The following RBPMS variants were observed in gnomAD, a reference collection of about 807,000 sequenced individuals.
The protein encoded by RBPMS is RNA-binding protein with multiple splicing.
Under a neutral mutation model 26.8 loss-of-function variants are expected in RBPMS, and 7 were observed. The ratio of observed to expected loss-of-function variants is 0.26; its 90% CI spans 0.15 to 0.49. RBPMS has a LOEUF of 0.49. Ranked by LOEUF, RBPMS falls within the 20% of genes least tolerant of loss-of-function variation. The pLI is 0.98. For missense variants in RBPMS, 186 were observed against 250.0 expected (o/e 0.74, Z 1.73); for synonymous variants, 96 against 93.3 (o/e 1.03, Z -0.17).
chr8:30,535,214 T>C (rs1304958003), intron 5 of RBPMS, among the ~76,000 whole-genome samples: 1 of 152,224 alleles, frequency 6.6e-6, no homozygotes, highest in East Asian at 1.9e-4. Context: ...ATTCTGAAGT[T>C]TATATCCTCT....
intron 1 of RBPMS, among the ~76,000 whole-genome samples, chr8:30,411,996 AAAAAAC>A (rs567179839): frequency 0.032 from 4,828 of 150,490 alleles, 92 homozygotes; most frequent in Non-Finnish European, 0.048. Context: ...AAAAAAAAAA[AAAAAAC>A]AAAAACAAAA....
chr8:30,468,789 A>T (rs146318037), intron 1 of RBPMS, among the ~76,000 whole-genome samples: 14 of 152,224 alleles, frequency 9.2e-5, no homozygotes, highest in African/African-American at 3.4e-4. Flanking sequence ...TGATTCAAAC[A>T]TACAGCACAT....
chr8:30,504,293 G>A lies in RBPMS; in HGVS notation c.254G>A (p.Arg85His), dbSNP rs751200833. ...EAAKNALNGI[R>H]FDPEIPQTLR... is the part of the protein sequence containing the mutation. ...TGTTCTCTGTTTCCAAAGGGCATCC[G>A]CTTCGATCCTGAAATTCCGCAAACA... Residue 85 changes from arginine to histidine, a missense_variant, in exon 5 of 9, where the codon CGC (arginine) becomes CAC (histidine). Coordinates refer to ENST00000397323, the MANE Select transcript of RBPMS (RefSeq NM_001008710.3). 6.2e-7 allele frequency: 1 copy of A among 1,614,094 alleles called. No individual in the cohort carries two copies. Among genetic ancestry groups the A allele is most frequent in the South Asian group, 1.1e-5 (1 of 91,072 alleles).
At chr8:30,422,717 G>T (rs1299489390) in intron 1 of RBPMS, among the ~76,000 whole-genome samples, 6 of 152,112 alleles carry the variant, frequency 3.9e-5, no homozygotes, top group Non-Finnish European at 7.4e-5. Context: ...GTGGATTTTA[G>T]AAAACTTTCT....
intron 1 of RBPMS, chr8:30,387,320 T>C (rs985605089): frequency 6.6e-6 from 1 of 152,204 alleles, no homozygotes; most frequent in Non-Finnish European, 1.5e-5. Flanking sequence ...GCCTGAATGA[T>C]CCAGGTAATT....
In RBPMS at chr8:30,479,323, T is replaced by G. The variant is rs1193311073; in HGVS notation, c.192T>G (p.Gly64=). 6.2e-7 allele frequency: 1 copy of G among 1,607,176 alleles called. No individual in the cohort carries two copies. Among genetic ancestry groups the G allele is most frequent in the Non-Finnish European group, 8.5e-7 (1 of 1,177,554 alleles). The change falls in exon 4 of 9, where the codon GGT becomes GGG. Residue 64 remains glycine, a synonymous_variant. Transcript: ENST00000397323. ...LIKLTSKQPV[G]FVSFDSRSEA... is the part of the protein sequence containing the mutation. ...CTCTTTTTTTTTCTCAGCCTGTAGGTTTTGTCAGTTTTGACAGTCGCTCAG... is the reference window on the plus strand; with the variant it reads ...CTCTTTTTTTTTCTCAGCCTGTAGGGTTTGTCAGTTTTGACAGTCGCTCAG...
chr8:30,474,811 G>A lies in RBPMS; in HGVS notation c.99G>A (p.Leu33=). The A allele has an allele frequency of 1.2e-6, 2 of 1,612,644 alleles. No individual in the cohort carries two copies. Among genetic ancestry groups the A allele is most frequent in the Middle Eastern group, 1.7e-4 (1 of 6,056 alleles). Residue 33 remains leucine (L), a synonymous_variant, in exon 2 of 9, where the codon CTG becomes CTA. Transcript: ENST00000397323. ...CCCTATTTGTCAGTGGCCTTCCTCT[G>A]GATATCAAACCTCGGGAGCTCTATC... ...VRTLFVSGLP[L]DIKPRELYLL...
intron 2 of RBPMS, among the ~76,000 whole-genome samples, chr8:30,476,564 G>C (rs1817712707): frequency 1.3e-5 from 2 of 152,152 alleles, no homozygotes; most frequent in African/African-American, 4.8e-5. Context: ...GTTCTCTGCT[G>C]GGAAGATGTA....
At chr8:30,428,885 A>G (rs1811643022) in intron 1 of RBPMS, among the ~76,000 whole-genome samples, 1 of 152,152 alleles carries the variant, frequency 6.6e-6, no homozygotes, top group African/African-American at 2.4e-5. Flanking sequence ...AAGTAGCCCC[A>G]ATAAGCTGGG....
intron 6 of RBPMS, chr8:30,552,390 G>C (rs928458353): frequency 6.6e-6 from 1 of 152,168 alleles, no homozygotes; most frequent in Non-Finnish European, 1.5e-5. Flanking sequence ...TAGGGGTAAA[G>C]GAAAATCAAC....
chr8:30,393,773 C>T (rs537005393), intron 1 of RBPMS, among the ~76,000 whole-genome samples: 3 of 152,172 alleles, frequency 2.0e-5, no homozygotes, highest in African/African-American at 7.2e-5. Context: ...CCCGCCTCGG[C>T]CTGCCAAAGT....
intron 1 of RBPMS, among the ~76,000 whole-genome samples, chr8:30,385,560 G>A (rs1806951239): frequency 6.6e-6 from 1 of 151,954 alleles, no homozygotes; most frequent in African/African-American, 2.4e-5. Flanking sequence ...AAGAAACTCG[G>A]GGGAAAGTTC....
At chr8:30,503,566 A>AT (rs1369648529) in intron 4 of RBPMS, among the ~76,000 whole-genome samples, 1 of 150,714 alleles carries the variant, frequency 6.6e-6, no homozygotes. Flanking sequence ...GCCTGCTCTT[A>AT]TTTTTTTTCA....
intron 5 of RBPMS, among the ~76,000 whole-genome samples, chr8:30,516,683 A>C (rs967578494): frequency 6.6e-6 from 1 of 152,210 alleles, no homozygotes; most frequent in Non-Finnish European, 1.5e-5. Context: ...GCATTTATAA[A>C]ATTTTTTAAA....
chr8:30,464,204 C>T (rs1816252149), intron 1 of RBPMS, among the ~76,000 whole-genome samples: 1 of 152,110 alleles, frequency 6.6e-6, no homozygotes, highest in African/African-American at 2.4e-5. Flanking sequence ...AATGATACGG[C>T]CCTCTCTTTT....
At chr8:30,468,311 G>T (rs761169926) in intron 1 of RBPMS, among the ~76,000 whole-genome samples, 1 of 152,010 alleles carries the variant, frequency 6.6e-6, no homozygotes, top group Admixed American at 6.6e-5. Context: ...GGTCTATATG[G>T]TCCTGAATTT....
chr8:30,551,612 A>T (rs971639163), intron 6 of RBPMS, among the ~76,000 whole-genome samples: 1 of 152,174 alleles, frequency 6.6e-6, no homozygotes, highest in South Asian at 2.1e-4. Flanking sequence ...CCCTGTCCTT[A>T]ATAGTAGTAA....
At position 30,408,350 on chromosome 8, in the gene RBPMS, G is replaced by A. The variant is rs181446558; in HGVS notation, c.66+23192G>A. ...TTGAGACCAGCCTGGCCAATGTGGC[G>A]AAACTCTGTCTCTACTAAAAGTACA... is the stretch of plus-strand genomic sequence containing the variant. On this transcript the variant is annotated intron_variant, in intron 1 of 8. Transcript: ENST00000397323. 2.1e-3 allele frequency among the ~76,000 whole-genome samples: 313 copies of A among 152,250 alleles called. 1 individual carries two copies. Among genetic ancestry groups the A allele is most frequent in the African/African-American group, 7.2e-3 (298 of 41,538 alleles).
intron 1 of RBPMS, among the ~76,000 whole-genome samples, chr8:30,474,439 A>C (rs886079283): frequency 6.6e-6 from 1 of 152,124 alleles, no homozygotes; most frequent in Admixed American, 6.5e-5. Context: ...TCACATTTTT[A>C]GAAGTGTGCA....
Sources: allele counts gnomAD v4.1 joint callset (sites outside exome capture counted in the v4.1 genomes callset), GRCh38; gene constraint gnomAD v4.1.1; transcripts MANE v1.5; gene names NCBI Gene and HGNC (gene_info 2026-07-23, HGNC 2026-07-21).